LPP: variants seen among roughly 807,000 people sequenced by gnomAD.
The protein encoded by LPP is LIM domain containing preferred translocation partner in lipoma, also known as lipoma-preferred partner.
A neutral mutation model predicts 60.4 loss-of-function variants in LPP; 38 were observed. That is an observed-to-expected ratio of 0.63 (90% CI 0.49 to 0.83). LPP has a LOEUF of 0.83. LPP is among the 40% of genes least tolerant of loss of function. LPP has a pLI of 0.00. For synonymous variants in LPP, 328 were observed against 290.8 expected (o/e 1.13, Z -1.30); for missense variants, 902 against 783.6 (o/e 1.15, Z -1.80).
chr3:188,213,631 T>C lies in LPP; in HGVS notation c.-189-11774T>C, dbSNP rs189608132. 1.8e-3 allele frequency among the ~76,000 whole-genome samples: 278 copies of C among 152,342 alleles called. 2 individuals carry two copies. The highest frequency in any genetic ancestry group is 2.5e-3 in the Non-Finnish European group (168 of 68,034). On this transcript the variant is annotated intron_variant, in intron 1 of 11. Transcript: ENST00000617246. ...CAGATGCCTAGATTTGTTGTTTTTG[T>C]ATGAGGCTCTTTTCTTTTCTTTTTG...
intron 6 of LPP, among the ~76,000 whole-genome samples, chr3:188,595,111 C>T (rs1377174344): frequency 6.6e-6 from 1 of 152,108 alleles, no homozygotes; most frequent in African/African-American, 2.4e-5. Context: ...CCAAAAACGT[C>T]CCTTAGGTAC....
At chr3:188,435,094 A>C (rs1300363158) in intron 4 of LPP, among the ~76,000 whole-genome samples, 3 of 152,206 alleles carry the variant, frequency 2.0e-5, no homozygotes, top group Non-Finnish European at 4.4e-5. Flanking sequence ...AGTAAAATAT[A>C]AAAACTCAGA....
intron 6 of LPP, among the ~76,000 whole-genome samples, chr3:188,552,970 T>G (rs963632728): frequency 6.6e-6 from 1 of 152,136 alleles, no homozygotes; most frequent in African/African-American, 2.4e-5. Flanking sequence ...CGTTAATGCA[T>G]GGAGGCTGAG....
intron 5 of LPP, among the ~76,000 whole-genome samples, chr3:188,500,354 T>C (rs1454496519): frequency 6.6e-6 from 1 of 152,160 alleles, no homozygotes; most frequent in Non-Finnish European, 1.5e-5. Flanking sequence ...AGAAGATAAC[T>C]TTTTTTCCAT....
chr3:188,690,607 TA>T (rs1343390251), intron 7 of LPP, among the ~76,000 whole-genome samples: 2 of 152,228 alleles, frequency 1.3e-5, no homozygotes, highest in Admixed American at 6.5e-5. Context: ...AATAGCTGTG[TA>T]AAATGTAGAT....
chr3:188,760,887 T>G (rs1732089694), intron 9 of LPP, among the ~76,000 whole-genome samples: 1 of 152,206 alleles, frequency 6.6e-6, no homozygotes, highest in South Asian at 2.1e-4. Flanking sequence ...CATTGTTTTC[T>G]TTTATTACAG....
intron 2 of LPP, among the ~76,000 whole-genome samples, chr3:188,289,469 C>T (rs368750669): frequency 1.3e-5 from 2 of 152,250 alleles, no homozygotes; most frequent in East Asian, 3.9e-4. Context: ...TTGTATTTTA[C>T]ATACATCATC....
chr3:188,687,765 G>A (rs978455454), intron 7 of LPP, among the ~76,000 whole-genome samples: 3 of 139,822 alleles, frequency 2.1e-5, no homozygotes, highest in African/African-American at 5.5e-5. Flanking sequence ...CTAACCAGCT[G>A]TCTTATACTC....
chr3:188,675,961 G>T (rs1055055278), intron 7 of LPP, among the ~76,000 whole-genome samples: 3 of 152,004 alleles, frequency 2.0e-5, no homozygotes, highest in African/African-American at 7.3e-5. Context: ...TTTAAGTTTT[G>T]GTGATTGGAA....
At chr3:188,316,093 G>A (rs1440459576) in intron 2 of LPP, among the ~76,000 whole-genome samples, 1 of 152,122 alleles carries the variant, frequency 6.6e-6, no homozygotes, top group East Asian at 1.9e-4. Context: ...GGCCAACATG[G>A]TGAAACCTGA....
At position 188,881,530 on chromosome 3, in the gene LPP, C is replaced by A. The variant is rs1322608761; in HGVS notation, c.*7051C>A. ...TGAAAGTAAACGAAATTGGAATCAC[C>A]CAAAGAGAATTTCCCCAAAAAACCT... On this transcript the variant is annotated 3_prime_UTR_variant, in exon 12 of 12. Coordinates refer to ENST00000617246, the MANE Select transcript of LPP (RefSeq NM_001375462.1). 4.7e-6 allele frequency: 1 copy of A among 214,998 alleles called. No homozygotes were observed. The highest frequency in any genetic ancestry group is 2.3e-5 in the African/African-American group (1 of 44,400). 13.3% of individuals were successfully genotyped at this position (214,998 alleles called of 1,614,324 possible).
chr3:188,814,578 C>T (rs1400921709), intron 9 of LPP, among the ~76,000 whole-genome samples: 2 of 152,224 alleles, frequency 1.3e-5, no homozygotes, highest in African/African-American at 4.8e-5. Context: ...AAATGACTTT[C>T]TCTAAGTCAA....
At chr3:188,800,544 C>G (rs1195313117) in intron 9 of LPP, among the ~76,000 whole-genome samples, 1 of 152,090 alleles carries the variant, frequency 6.6e-6, no homozygotes, top group Non-Finnish European at 1.5e-5. Context: ...CACACCCGGC[C>G]AAAACTTTCT....
chr3:188,667,362 C>T (rs546230270), intron 7 of LPP, among the ~76,000 whole-genome samples: 3 of 151,876 alleles, frequency 2.0e-5, no homozygotes, highest in East Asian at 3.9e-4. Flanking sequence ...CCTGTAGTCC[C>T]AGCTACTTGG....
intron 6 of LPP, among the ~76,000 whole-genome samples, chr3:188,576,013 G>T (rs1273370732): frequency 1.3e-5 from 2 of 152,126 alleles, no homozygotes; most frequent in African/African-American, 4.8e-5. Context: ...CTGTCATCTG[G>T]ATACTTTCCA....
At chr3:188,374,587 C>G (rs1774361749) in intron 3 of LPP, among the ~76,000 whole-genome samples, 1 of 152,158 alleles carries the variant, frequency 6.6e-6, no homozygotes, top group African/African-American at 2.4e-5. Flanking sequence ...AGTTGCTTAT[C>G]AGCTTGAGGA....
At chr3:188,600,598 T>C (rs1367493459) in intron 6 of LPP, among the ~76,000 whole-genome samples, 9 of 152,098 alleles carry the variant, frequency 5.9e-5, no homozygotes, top group Non-Finnish European at 1.0e-4. Context: ...TTTAAGCGTA[T>C]AATTCACTGG....
chr3:188,701,287 A>G (rs1360639217), intron 7 of LPP, among the ~76,000 whole-genome samples: 2 of 152,140 alleles, frequency 1.3e-5, no homozygotes, highest in African/African-American at 4.8e-5. Context: ...ATTTGGCTTC[A>G]TATTAAGTAT....
At chr3:188,252,176 TATATATATATA>T (rs1730027180) in intron 2 of LPP, among the ~76,000 whole-genome samples, 1 of 16,380 alleles carries the variant, frequency 6.1e-5, no homozygotes, top group South Asian at 1.9e-3. Context: ...CAAACATATA[TATATATATATA>T]TATATATATA....
Sources: allele counts gnomAD v4.1 joint callset (sites outside exome capture counted in the v4.1 genomes callset), GRCh38; gene constraint gnomAD v4.1.1; transcripts MANE v1.5; gene names NCBI Gene and HGNC (gene_info 2026-07-23, HGNC 2026-07-21).